The following LSP1 variants were observed in gnomAD, a reference collection of about 807,000 sequenced individuals.
The protein encoded by LSP1 is lymphocyte specific protein 1.
Under a neutral mutation model 49.3 loss-of-function variants are expected in LSP1, and 32 were observed. The observed-to-expected ratio is 0.65, with a 90% CI of 0.49 to 0.87. The LOEUF is 0.87. LSP1 is among the 40% of genes least tolerant of loss of function. The probability of loss-of-function intolerance (pLI) is 0.00; values close to 1 mark genes in which losing one functional copy is unlikely to be tolerated. For synonymous variants in LSP1, 179 were observed against 178.8 expected (o/e 1.00, Z -0.01); for missense variants, 428 against 442.6 (o/e 0.97, Z 0.30).
intron 1 of LSP1, among the ~76,000 whole-genome samples, chr11:1,866,275 G>A (rs1460344509): frequency 6.6e-6 from 1 of 152,190 alleles, no homozygotes; most frequent in Non-Finnish European, 1.5e-5. Flanking sequence ...GCCGGACCTC[G>A]AGCTACTGGA....
At chr11:1,882,602 C>T (rs1237190752) in intron 3 of LSP1, among the ~76,000 whole-genome samples, 4 of 152,056 alleles carry the variant, frequency 2.6e-5, no homozygotes, top group African/African-American at 7.2e-5. Context: ...CCTAGGCGGG[C>T]GAGGCTGCTC....
rs965981480 is a variant in LSP1 at position 1,866,687 on chromosome 11, C to T, written c.54-13400C>T. The T allele has an allele frequency of 2.1e-5, 32 of 1,550,546 alleles. No individual in the cohort carries two copies. The Admixed American group carries it at 2.4e-4, about 11-fold the overall frequency. ...AACGGGAATGTGTTTTCCCAGGGGA[C>T]GCTGCTGTCCACCAGGAGCTCTGTG... On this transcript the variant is annotated intron_variant, in intron 1 of 10. Transcript: ENST00000311604.
rs532498274 is a variant in LSP1 at position 1,853,888 on chromosome 11, C to T, written c.53+691C>T. ...AACCCCGCTGCCAAAGGCCTCCTAG[C>T]GGGCAGCTGTACTCTGTGGTACCAA... On this transcript the variant is annotated intron_variant, in intron 1 of 10. Coordinates refer to ENST00000311604, the MANE Select transcript of LSP1 (RefSeq NM_002339.3). 7.2e-5 allele frequency among the ~76,000 whole-genome samples: 11 copies of T among 152,244 alleles called. No individual in the cohort carries two copies. The South Asian group carries it at 1.7e-3, about 23-fold the overall frequency.
At chr11:1,872,815 G>T (rs1342083779) in intron 1 of LSP1, among the ~76,000 whole-genome samples, 2 of 152,056 alleles carry the variant, frequency 1.3e-5, no homozygotes, top group Non-Finnish European at 2.9e-5. Context: ...ACCCCGGCCC[G>T]CACTCAGACT....
At chr11:1,864,095 G>A (rs1847712773) in intron 1 of LSP1, 3 of 739,280 alleles carry the variant, frequency 4.1e-6, no homozygotes, top group Non-Finnish European at 4.9e-6. Context: ...AGGGAGGGAG[G>A]AGGGAAGGAG....
intron 10 of LSP1, chr11:1,890,779 C>T (rs546191613): frequency 2.5e-4 from 150 of 596,402 alleles, no homozygotes; most frequent in African/African-American, 1.9e-3. Flanking sequence ...TTTGGGGTGG[C>T]CCCACCATCA....
chr11:1,889,730 G>A, intron 10 of LSP1: 1 of 657,190 alleles, frequency 1.5e-6, no homozygotes, highest in Non-Finnish European at 2.8e-6. Context: ...GGCCCATGGG[G>A]ACCAGGCTGT....
chr11:1,853,233 G>A lies in LSP1; in HGVS notation c.53+36G>A, dbSNP rs369053250. 8.1e-5 allele frequency: 129 copies of A among 1,593,792 alleles called. No homozygotes were observed. The South Asian group carries it at 1.0e-3, about 12-fold the overall frequency. On this transcript the variant is annotated intron_variant, in intron 1 of 10. Transcript: ENST00000311604. ...GCGGCGACGCCCGGCGCCCTGTGCC[G>A]TGTCCACGGGTGCATAGTCCTTGAG...
chr11:1,890,405 C>T, intron 10 of LSP1: 1 of 717,132 alleles, frequency 1.4e-6, no homozygotes, highest in Non-Finnish European at 2.6e-6. Flanking sequence ...TGCGGAAGGC[C>T]CTGGGTGGAG....
intron 7 of LSP1, among the ~76,000 whole-genome samples, chr11:1,885,114 A>G (rs1848702016): frequency 6.6e-6 from 1 of 151,630 alleles, no homozygotes; most frequent in Non-Finnish European, 1.5e-5. Context: ...CCATCCAATC[A>G]GTGCCTCTGC....
chr11:1,871,229 C>T (rs370295718), intron 1 of LSP1: 5 of 986,478 alleles, frequency 5.1e-6, no homozygotes, highest in African/African-American at 1.7e-5. Context: ...AGAGCAGGCA[C>T]GGGGCAGGCA....
chr11:1,880,118 G>A lies in LSP1; in HGVS notation c.85G>A (p.Glu29Lys). 6.2e-7 allele frequency: 1 copy of A among 1,609,930 alleles called. No individual in the cohort carries two copies. Among genetic ancestry groups the A allele is most frequent in the Non-Finnish European group, 8.5e-7 (1 of 1,177,672 alleles). Residue 29 changes from glutamate (E) to lysine (K), a missense_variant, in exon 2 of 11, where the codon GAG becomes AAG. Coordinates refer to ENST00000311604, the MANE Select transcript of LSP1 (RefSeq NM_002339.3). ...PTAQWSVEDEEEAVHEQCQHE... is the reference protein window; with the variant it reads ...PTAQWSVEDEKEAVHEQCQHE... ...TGCTCAGTGGAGCGTGGAGGACGAG[G>A]AGGAGGCCGTCCACGAGCAATGCCA...
chr11:1,883,869 C>A, intron 4 of LSP1, 63 bp from the exon 5 acceptor site: 1 of 1,434,112 alleles, frequency 7.0e-7, no homozygotes, highest in Non-Finnish European at 9.5e-7. Flanking sequence ...CCCACAGGTG[C>A]TGGGCAGGGC....
intron 1 of LSP1, among the ~76,000 whole-genome samples, chr11:1,875,880 G>A (rs1187860323): frequency 1.3e-5 from 2 of 152,260 alleles, no homozygotes; most frequent in Admixed American, 6.5e-5. Flanking sequence ...TCCCAGCTGC[G>A]TCCCCAGCTG....
intron 2 of LSP1, 79 bp downstream of exon 2, chr11:1,880,303 G>C (rs1848486170): frequency 9.1e-6 from 13 of 1,430,996 alleles, no homozygotes; most frequent in Non-Finnish European, 1.2e-5. Flanking sequence ...GGGAGGTCAA[G>C]GGCCTGGGCT....
chr11:1,866,390 TA>T, intron 1 of LSP1: 1 of 1,247,022 alleles, frequency 8.0e-7, no homozygotes, highest in Non-Finnish European at 1.1e-6. Flanking sequence ...GGGGGTGAGC[TA>T]AGTGGGGTCT....
Position 1,878,903 on chromosome 11 carries a change from G to T in LSP1, c.54-1184G>T, listed in dbSNP as rs1291644355. On this transcript the variant is annotated intron_variant, in intron 1 of 10. Coordinates refer to ENST00000311604, the MANE Select transcript of LSP1 (RefSeq NM_002339.3). Reference sequence around the variant, plus strand: ...TGTCTGCAGGACCTGGACCATCTGAGAGCTGCTGGGCCGGGGCTCTGATGC... The same window carrying T: ...TGTCTGCAGGACCTGGACCATCTGATAGCTGCTGGGCCGGGGCTCTGATGC... 9.2e-5 allele frequency among the ~76,000 whole-genome samples: 14 copies of T among 152,090 alleles called. No individual in the cohort carries two copies. In the East Asian group the frequency reaches 2.7e-3, roughly 29 times the overall value.
chr11:1,881,278 A>T (rs1006822025), intron 2 of LSP1, 154 bp from the exon 3 acceptor site: 2 of 704,842 alleles, frequency 2.8e-6, no homozygotes, highest in Non-Finnish European at 4.5e-6. Flanking sequence ...AGGTATTCTG[A>T]CCACAGGAGA....
rs753356088 is a variant in LSP1 at position 1,880,137 on chromosome 11, A to G, written c.104A>G (p.Gln35Arg). The change falls in exon 2 of 11, where the codon CAA (glutamine) becomes CGA (arginine). Residue 35 changes from glutamine to arginine, a missense_variant. Gln to Arg is a conservative substitution (Grantham distance 43, BLOSUM62 1). Coordinates refer to ENST00000311604, the MANE Select transcript of LSP1 (RefSeq NM_002339.3). ...GACGAGGAGGAGGCCGTCCACGAGC[A>G]ATGCCAGCATGAGAGAGACAGGCAG... ...VEDEEEAVHE[Q>R]CQHERDRQLQ... is the part of the protein sequence containing the mutation. 2.5e-6 allele frequency: 4 copies of G among 1,608,992 alleles called. No homozygotes were observed. Among genetic ancestry groups the G allele is most frequent in the Non-Finnish European group, 2.5e-6 (3 of 1,177,082 alleles).
Sources: allele counts gnomAD v4.1 joint callset (sites outside exome capture counted in the v4.1 genomes callset), GRCh38; gene constraint gnomAD v4.1.1; transcripts MANE v1.5; gene names NCBI Gene and HGNC (gene_info 2026-07-23, HGNC 2026-07-21).